Variants in TTC23L observed in about 807,000 individuals in gnomAD.
TTC23L encodes the protein tetratricopeptide repeat protein 23-like.
TTC23L carries 42 observed loss-of-function variants against 48.1 expected under a neutral mutation model. That is an observed-to-expected ratio of 0.87 (90% CI 0.68 to 1.13). TTC23L has a LOEUF of 1.13. Ranked by LOEUF, TTC23L falls within the 50% of genes most tolerant of loss-of-function variation. The pLI is 0.00. For missense variants in TTC23L, 391 were observed against 421.0 expected (o/e 0.93, Z 0.62); for synonymous variants, 159 against 157.2 (o/e 1.01, Z -0.09).
chr5:34,910,053 C>A, the TTC23L span, among the ~76,000 whole-genome samples: 1 of 152,136 alleles, frequency 6.6e-6, no homozygotes, highest in Non-Finnish European at 1.5e-5. Context: ...CCATACCCAG[C>A]CATGATGATG....
At chr5:34,921,861 C>G in the TTC23L span, 1 of 151,328 alleles carries the variant, frequency 6.6e-6, no homozygotes, top group African/African-American at 2.5e-5. Flanking sequence ...GAGCCGAGAT[C>G]GTGCCATTGC....
At chr5:34,913,284 A>C in the TTC23L span, among the ~76,000 whole-genome samples, 1 of 152,248 alleles carries the variant, frequency 6.6e-6, no homozygotes, top group Non-Finnish European at 1.5e-5. Context: ...TACTTTTACA[A>C]ATATGAAAAG....
At chr5:34,904,146 T>G (rs1185071283), downstream of TTC23L, among the ~76,000 whole-genome samples, 1 of 151,398 alleles carries the variant, frequency 6.6e-6, no homozygotes, top group Non-Finnish European at 1.5e-5. Flanking sequence ...AAAAAAAATT[T>G]TTTTTAGAGA....
intron 4 of TTC23L, among the ~76,000 whole-genome samples, chr5:34,851,982 A>T (rs1166469053): frequency 6.6e-6 from 1 of 152,198 alleles, no homozygotes; most frequent in Non-Finnish European, 1.5e-5. Flanking sequence ...AAGGCTGCCG[A>T]GAGAAAGTGA....
At chr5:34,915,724 G>T in the TTC23L span, 1 of 1,592,778 alleles carries the variant, frequency 6.3e-7, no homozygotes, top group South Asian at 1.1e-5. Flanking sequence ...CCAAGAGCGC[G>T]GGCGGCGAGG....
At chr5:34,856,442 A>G (rs1760139201) in intron 4 of TTC23L, among the ~76,000 whole-genome samples, 1 of 152,224 alleles carries the variant, frequency 6.6e-6, no homozygotes, top group Admixed American at 6.5e-5. Context: ...TGGATAAGGG[A>G]TACTCAACCT....
At chr5:34,872,055 A>T (rs573267808) in intron 8 of TTC23L, among the ~76,000 whole-genome samples, 83 of 152,054 alleles carry the variant, frequency 5.5e-4, no homozygotes, top group South Asian at 1.2e-3. Flanking sequence ...AGGTGAGAAG[A>T]TCACTTGAAG....
the TTC23L span, chr5:34,907,603 G>C: frequency 9.9e-5 from 15 of 152,218 alleles, no homozygotes; most frequent in South Asian, 2.9e-3. Context: ...TTAATAACTG[G>C]TTTTCTACAC....
At chr5:34,923,130 T>C in the TTC23L span, 18 of 1,610,996 alleles carry the variant, frequency 1.1e-5, no homozygotes, top group Non-Finnish European at 1.5e-5. Flanking sequence ...CTTTTTTAAC[T>C]AGATCTTTAG....
chr5:34,894,127 G>A (rs10472945), intron 9 of TTC23L, among the ~76,000 whole-genome samples: 14,051 of 152,040 alleles, frequency 0.092, 1,138 homozygotes, highest in African/African-American at 0.22. Context: ...ATGTTTAAAT[G>A]CCTGTAACCT....
chr5:34,874,188 C>T (rs1761667166), intron 8 of TTC23L, among the ~76,000 whole-genome samples: 1 of 152,076 alleles, frequency 6.6e-6, no homozygotes, highest in African/African-American at 2.4e-5. Context: ...AAATCTATCT[C>T]CACAGGAACC....
chr5:34,913,671 C>A, the TTC23L span: 1 of 704,516 alleles, frequency 1.4e-6, no homozygotes, highest in Non-Finnish European at 2.4e-6. Context: ...TTAAAAAATA[C>A]AATACTGTGC....
chr5:34,864,356 C>A (rs1328822739), intron 5 of TTC23L, 81 bp from the exon 6 acceptor site: 1 of 1,503,132 alleles, frequency 6.7e-7, no homozygotes, highest in African/African-American at 1.4e-5. Flanking sequence ...TTCCAAGAGC[C>A]CCTTTTGTTT....
the TTC23L span, chr5:34,907,343 G>C: frequency 1.3e-5 from 2 of 152,142 alleles, no homozygotes; most frequent in African/African-American, 4.8e-5. Context: ...GGCCAGAAAG[G>C]CTAAATGAAT....
At chr5:34,844,253 T>G (rs1194813806) in intron 2 of TTC23L, among the ~76,000 whole-genome samples, 1 of 152,202 alleles carries the variant, frequency 6.6e-6, no homozygotes. Flanking sequence ...CAAGCCTGCC[T>G]GCGCTTGGGC....
intron 10 of TTC23L, among the ~76,000 whole-genome samples, chr5:34,897,403 A>G: frequency 6.6e-6 from 1 of 151,236 alleles, no homozygotes; most frequent in Middle Eastern, 3.4e-3. Flanking sequence ...TAAAAAAAAA[A>G]TTAAACATTA....
chr5:34,840,700 C>G (rs1758579802), exon 2 of TTC23L: 1 of 1,613,988 alleles, frequency 6.2e-7, no homozygotes, highest in African/African-American at 1.3e-5. Flanking sequence ...CGTATCCCAA[C>G]TGTTAGCAAT....
chr5:34,920,813 G>A, the TTC23L span: 14 of 152,010 alleles, frequency 9.2e-5, no homozygotes, highest in Non-Finnish European at 2.1e-4. Flanking sequence ...TCTAAGACCA[G>A]TAAGAAACAA....
At chr5:34,892,157 A>C (rs1201484337) in intron 9 of TTC23L, among the ~76,000 whole-genome samples, 2 of 152,192 alleles carry the variant, frequency 1.3e-5, no homozygotes, top group African/African-American at 4.8e-5. Flanking sequence ...GGAGTAATCA[A>C]TCCCAGATGT....
Sources: gnomAD v4.1 joint callset for allele counts (sites outside exome capture counted in the v4.1 genomes callset) on GRCh38, gnomAD v4.1.1 for gene constraint, MANE v1.5 for transcripts, NCBI Gene and HGNC (gene_info 2026-07-23, HGNC 2026-07-21) for gene names.